MAP2K5: variants seen among roughly 807,000 people sequenced by gnomAD.
MAP2K5 encodes mitogen-activated protein kinase kinase 5.
In MAP2K5, 49 loss-of-function variants were observed where a neutral mutation model predicts 83.1. That is an observed-to-expected ratio of 0.59 (90% CI 0.47 to 0.75). The LOEUF is 0.75. MAP2K5 is among the 30% of genes least tolerant of loss of function. The pLI, the probability that MAP2K5 is intolerant of heterozygous loss-of-function variation, is 0.00. For synonymous variants in MAP2K5, 202 were observed against 191.8 expected, an observed-to-expected ratio of 1.05 and a Z score of -0.44; for missense variants, 457 against 557.5, an observed-to-expected ratio of 0.82 and a Z score of 1.82.
intron 16 of MAP2K5, among the ~76,000 whole-genome samples, chr15:67,723,914 C>CATTTA (rs2089028836): frequency 6.6e-6 from 1 of 151,890 alleles, no homozygotes; most frequent in Non-Finnish European, 1.5e-5. Flanking sequence ...AAATCTAAAT[C>CATTTA]TACATACAAA....
intron 15 of MAP2K5, among the ~76,000 whole-genome samples, chr15:67,697,219 C>T (rs2088287049): frequency 6.6e-6 from 1 of 152,142 alleles, no homozygotes; most frequent in Non-Finnish European, 1.5e-5. Context: ...ACTTTATATT[C>T]ATGCATACTT....
intron 8 of MAP2K5, among the ~76,000 whole-genome samples, chr15:67,622,730 G>A (rs1158881932): frequency 6.6e-6 from 1 of 152,164 alleles, no homozygotes; most frequent in East Asian, 1.9e-4. Flanking sequence ...TCTGTAGTGT[G>A]CCAAGGGCAA....
rs185934314 is a variant in MAP2K5 at position 67,804,877 on chromosome 15, G to T, written c.1243-1769G>T. Among the ~76,000 whole-genome samples, 125 of 152,304 alleles carry T rather than the reference G, an allele frequency of 8.2e-4. 2 individuals carry two copies. The highest frequency in any genetic ancestry group is 6.8e-3 in the Middle Eastern group (2 of 294). ...GGCAGCGATTTGGGAAAGCAGCCGT[G>T]GGGTGGGCATATATATGGGGAGGAG... is the stretch of plus-strand genomic sequence containing the variant. On this transcript the variant is annotated intron_variant, in intron 21 of 21. Coordinates refer to ENST00000178640, the MANE Select transcript of MAP2K5 (RefSeq NM_145160.3).
chr15:67,559,511 T>G lies in MAP2K5; in HGVS notation c.185-3772T>G, dbSNP rs1352891501. On this transcript the variant is annotated intron_variant, in intron 2 of 21. Coordinates refer to ENST00000178640, the MANE Select transcript of MAP2K5 (RefSeq NM_145160.3). This position sits in a 1 kb window ranked among gnomAD's most constrained non-coding sequence, Gnocchi z 4.7. ...ATTGCTAACAACATATGGCCTGTTA[T>G]GATTCTCTTTTCCCAAACTCTGCCA... Among the ~76,000 whole-genome samples, 1 of 152,222 alleles carries G rather than the reference T, an allele frequency of 6.6e-6. No homozygotes were observed. The highest frequency in any genetic ancestry group is 2.4e-5 in the African/African-American group (1 of 41,456).
rs1324411195 is a variant in MAP2K5 at position 67,563,210 on chromosome 15, C to A, written c.185-73C>A. ...GTTAGAATATCACATTGTAATAAAC[C>A]GTTTATATTATGTTCCCTTTGTGCA... On this transcript the variant is annotated intron_variant, in intron 2 of 21. Coordinates refer to ENST00000178640, the MANE Select transcript of MAP2K5 (RefSeq NM_145160.3). This position sits in a 1 kb window ranked among gnomAD's most constrained non-coding sequence, Gnocchi z 4.5. The A allele has an allele frequency of 3.3e-6, 5 of 1,524,966 alleles. No homozygotes were observed. In the African/African-American group the frequency reaches 6.9e-5, roughly 21 times the overall value. The allele number at this position is 1,524,966 out of a possible 1,614,324, so 94.5% of individuals were successfully genotyped here.
intron 17 of MAP2K5, among the ~76,000 whole-genome samples, chr15:67,739,789 G>C (rs571802341): frequency 6.6e-6 from 1 of 151,954 alleles, no homozygotes; most frequent in Non-Finnish European, 1.5e-5. Flanking sequence ...CCAATTTTAA[G>C]ATTATTTCCC....
At chr15:67,553,506 C>A (rs959121549) in intron 2 of MAP2K5, among the ~76,000 whole-genome samples, 1 of 152,200 alleles carries the variant, frequency 6.6e-6, no homozygotes, top group Non-Finnish European at 1.5e-5. Context: ...TTTGGATTAT[C>A]ATGTACTTTC....
In MAP2K5 at chr15:67,708,548, C is replaced by T. The variant is rs1040518468; in HGVS notation, c.1044+5140C>T. On this transcript the variant is annotated intron_variant, in intron 16 of 21. Transcript: ENST00000178640. This position sits in a 1 kb window ranked among gnomAD's most constrained non-coding sequence, Gnocchi z 4.9. Reference sequence around the variant, plus strand: ...CTTGATATGTTGCCCAGTGTTGCCTCGAATTCCTGGGGTCAAGTGATCCTC... The same window carrying T: ...CTTGATATGTTGCCCAGTGTTGCCTTGAATTCCTGGGGTCAAGTGATCCTC... 6.6e-6 allele frequency among the ~76,000 whole-genome samples: 1 copy of T among 151,984 alleles called. No individual in the cohort carries two copies. The highest frequency in any genetic ancestry group is 2.4e-5 in the African/African-American group (1 of 41,386).
At chr15:67,744,909 C>G (rs1442567747) in intron 17 of MAP2K5, among the ~76,000 whole-genome samples, 3 of 152,170 alleles carry the variant, frequency 2.0e-5, no homozygotes. Context: ...GTACTTGTGG[C>G]TGCCTTCTAT....
Position 67,646,304 on chromosome 15 carries a change from T to A in MAP2K5, c.654+5T>A. 6.9e-7 allele frequency: 1 copy of A among 1,451,850 alleles called. No homozygotes were observed. Among genetic ancestry groups the A allele is most frequent in the Non-Finnish European group, 9.6e-7 (1 of 1,043,528 alleles). The allele number at this position is 1,451,850 out of a possible 1,614,324, so 89.9% of individuals were successfully genotyped here. On this transcript the variant is annotated splice_donor_5th_base_variant and intron_variant, in intron 10 of 21. Transcript: ENST00000178640. ...GAATTGGAAATTCTTTATAAGGTAATTTTTTCATAATTTTTATTTGTAAAG... is the reference window on the plus strand; with the variant it reads ...GAATTGGAAATTCTTTATAAGGTAAATTTTTCATAATTTTTATTTGTAAAG...
chr15:67,554,235 A>G (rs2084577666), intron 2 of MAP2K5, among the ~76,000 whole-genome samples: 1 of 151,992 alleles, frequency 6.6e-6, no homozygotes, highest in African/African-American at 2.4e-5. Flanking sequence ...ACTTTTGTAT[A>G]TTTTGTAGAG....
In MAP2K5 at chr15:67,645,932, G is replaced by C. The variant is rs527959560; in HGVS notation, c.586-299G>C. On this transcript the variant is annotated intron_variant, in intron 9 of 21. Coordinates refer to ENST00000178640, the MANE Select transcript of MAP2K5 (RefSeq NM_145160.3). ...GAAAATAGCCAATGTGGCTAAAATAGAGTGCATAAATTAAGAGTGTTATAA... is the reference window on the plus strand; with the variant it reads ...GAAAATAGCCAATGTGGCTAAAATACAGTGCATAAATTAAGAGTGTTATAA... 2.0e-5 allele frequency among the ~76,000 whole-genome samples: 3 copies of C among 152,236 alleles called. No individual in the cohort carries two copies. In the East Asian group the frequency reaches 5.8e-4, roughly 29 times the overall value.
At chr15:67,666,812 A>G (rs931250178) in intron 13 of MAP2K5, among the ~76,000 whole-genome samples, 1 of 152,204 alleles carries the variant, frequency 6.6e-6, no homozygotes, top group African/African-American at 2.4e-5. Flanking sequence ...ACAGTGGTAG[A>G]GGGCTGACAA....
intron 17 of MAP2K5, among the ~76,000 whole-genome samples, chr15:67,732,963 G>A (rs951208971): frequency 1.3e-5 from 2 of 152,136 alleles, no homozygotes; most frequent in African/African-American, 2.4e-5. Flanking sequence ...GTGGGGAGGG[G>A]GGGCTTAACA....
intron 2 of MAP2K5, among the ~76,000 whole-genome samples, chr15:67,560,487 T>G (rs1249920456): frequency 6.6e-6 from 1 of 152,270 alleles, no homozygotes; most frequent in African/African-American, 2.4e-5. Flanking sequence ...TTCATCAGTA[T>G]GCCATATAAG....
chr15:67,668,190 T>C lies in MAP2K5; in HGVS notation c.847+3545T>C, dbSNP rs568472210. On this transcript the variant is annotated intron_variant, in intron 13 of 21. Transcript: ENST00000178640. This position sits in a 1 kb window ranked among gnomAD's most constrained non-coding sequence, Gnocchi z 4.0. ...TATTGAATGCTAAGAATGTGGCATG[T>C]TTTTATTATAACCATGAATTAATCA... is the stretch of plus-strand genomic sequence containing the variant. Among the ~76,000 whole-genome samples, 16 of 152,276 alleles carry C rather than the reference T, an allele frequency of 1.1e-4. No homozygotes were observed. In the East Asian group the frequency reaches 2.7e-3, roughly 26 times the overall value.
intron 4 of MAP2K5, among the ~76,000 whole-genome samples, chr15:67,584,067 C>T (rs997943723): frequency 6.6e-6 from 1 of 152,146 alleles, no homozygotes; most frequent in Non-Finnish European, 1.5e-5. Flanking sequence ...GATGTAATAA[C>T]ATGTTCTCCT....
In MAP2K5 at chr15:67,782,296, G is replaced by A. The variant is rs758625126; in HGVS notation, c.1242+9544G>A. On this transcript the variant is annotated intron_variant, in intron 21 of 21. Transcript: ENST00000178640. This position sits in a 1 kb window ranked among gnomAD's most constrained non-coding sequence, Gnocchi z 4.9. ...TAAGTATTAGTAATCGGGAGATTAG[G>A]GCCCCAGGGACAATGAGAGATAAAC... 3.3e-5 allele frequency among the ~76,000 whole-genome samples: 5 copies of A among 152,202 alleles called. No individual in the cohort carries two copies. The highest frequency in any genetic ancestry group is 5.9e-5 in the Non-Finnish European group (4 of 68,036).
At chr15:67,798,965 T>A (rs910414360) in intron 21 of MAP2K5, among the ~76,000 whole-genome samples, 1 of 151,822 alleles carries the variant, frequency 6.6e-6, no homozygotes, top group African/African-American at 2.4e-5. Flanking sequence ...GGTCAGGGGT[T>A]CAAGACCAGC....
Sources: gnomAD v4.1 joint callset for allele counts (sites outside exome capture counted in the v4.1 genomes callset) on GRCh38, gnomAD v4.1.1 for gene constraint, Gnocchi (gnomAD v3.1) non-coding constraint, MANE v1.5 for transcripts, NCBI Gene and HGNC (gene_info 2026-07-23, HGNC 2026-07-21) for gene names.